The following PIK3R5 variants were observed in gnomAD, a reference collection of about 807,000 sequenced individuals.
PIK3R5 encodes the protein phosphoinositide-3-kinase regulatory subunit 5, also known as phosphoinositide 3-kinase regulatory subunit 5.
A neutral mutation model predicts 94.9 loss-of-function variants in PIK3R5; 32 were observed. The observed-to-expected ratio is 0.34, with a 90% CI of 0.25 to 0.45. PIK3R5 has a LOEUF of 0.45. PIK3R5 is among the 20% of genes least tolerant of loss of function. The pLI, the probability that PIK3R5 is intolerant of heterozygous loss-of-function variation, is 1.00. For missense variants in PIK3R5, 853 were observed against 1,144.6 expected (o/e 0.75, Z 3.68); for synonymous variants, 443 against 479.4 (o/e 0.92, Z 0.99).
intron 5 of PIK3R5, among the ~76,000 whole-genome samples, chr17:8,894,074 C>T (rs2090091175): frequency 6.6e-6 from 1 of 152,176 alleles, no homozygotes; most frequent in South Asian, 2.1e-4. Flanking sequence ...AGCTCTTCTG[C>T]GTGGCCTTGG....
chr17:8,921,086 C>G (rs1368280231), intron 1 of PIK3R5, among the ~76,000 whole-genome samples: 1 of 152,142 alleles, frequency 6.6e-6, no homozygotes, highest in Non-Finnish European at 1.5e-5. Flanking sequence ...GGTGATCCAC[C>G]CGCCTCAGCC....
rs2090063479 is a variant in PIK3R5 at position 8,893,045 on chromosome 17, G to GGTGTGTGTGTGT, written c.482+540_482+541insACACACACACAC. ...TGTAACCAGGATACATTTCATTTCA[G>GGTGTGTGTGTGT]CTGTGTGTGTGTGTGTGTGTGTGTG... On this transcript the variant is annotated intron_variant, in intron 6 of 18. Transcript: ENST00000447110. The surrounding 1 kb of genome is among the most constrained non-coding windows in gnomAD (Gnocchi z 5.1). Among the ~76,000 whole-genome samples, 1 of 134,056 alleles carries GGTGTGTGTGTGT rather than the reference G, an allele frequency of 7.5e-6. No individual in the cohort carries two copies. The highest frequency in any genetic ancestry group is 3.2e-5 in the African/African-American group (1 of 31,434). The allele number at this position is 134,056 out of a possible 152,430, so 87.9% of individuals were successfully genotyped here.
rs201469257 is a variant in PIK3R5, at chr17:8,890,757, C to G, written c.638G>C (p.Gly213Ala). 242 of 1,610,240 alleles carry G rather than the reference C, an allele frequency of 1.5e-4. No homozygotes were observed. The East Asian group carries it at 2.4e-3, about 16-fold the overall frequency. The part of the protein sequence containing the change: ...ATFGAHCDVP[G>A]LHCRLQAKTL... ...ACATACCTGTAGCCTGCAGTGCAGG[C>G]CCGGGACGTCACAGTGGGCCCCAAA... The change falls in exon 7 of 19, where the codon GGC becomes GCC. Residue 213 changes from glycine to alanine, a missense_variant. Physicochemically the swap from Gly to Ala is moderately conservative, Grantham distance 60 (BLOSUM62 0). Around this residue, in one of 6 missense-constraint regions of PIK3R5, gnomAD observed 161 missense variants for 249.5 expected, o/e 0.65. Transcript: ENST00000447110. This position sits in a 1 kb window ranked among gnomAD's most constrained non-coding sequence, Gnocchi z 6.1.
At chr17:8,894,317 C>T (rs1597382299) in intron 5 of PIK3R5, among the ~76,000 whole-genome samples, 1 of 152,358 alleles carries the variant, frequency 6.6e-6, no homozygotes. Context: ...CCGCTGCCCC[C>T]TCTCCCGGTC....
In PIK3R5 at chr17:8,935,936, C is replaced by A. The variant is rs943310721; in HGVS notation, c.-13-24429G>T. Among the ~76,000 whole-genome samples the A allele has an allele frequency of 7.2e-5, 11 of 151,956 alleles. No homozygotes were observed. Among genetic ancestry groups the A allele is most frequent in the Admixed American group, 4.6e-4 (7 of 15,260 alleles). ...GGGCGTGGTGGCGGGCACCTGTAGT[C>A]CCAGCTACTCGGGAGGCTGAGGCAG... On this transcript the variant is annotated intron_variant, in intron 1 of 18. Transcript: ENST00000447110. This position sits in a 1 kb window ranked among gnomAD's most constrained non-coding sequence, Gnocchi z 4.5.
chr17:8,899,815 G>A (rs1195127042), intron 5 of PIK3R5, among the ~76,000 whole-genome samples: 1 of 152,078 alleles, frequency 6.6e-6, no homozygotes, highest in Non-Finnish European at 1.5e-5. Flanking sequence ...CGAGGTGGGC[G>A]GCTCACAAGG....
At chr17:8,883,501 C>A (rs56069269) in intron 15 of PIK3R5, among the ~76,000 whole-genome samples, 5,151 of 152,298 alleles carry the variant, frequency 0.034, 293 homozygotes, top group African/African-American at 0.12. Flanking sequence ...TGGGGGTCTT[C>A]TTTCAGAGTG....
intron 1 of PIK3R5, among the ~76,000 whole-genome samples, chr17:8,921,411 T>C (rs1338450506): frequency 6.6e-6 from 1 of 152,248 alleles, no homozygotes; most frequent in Non-Finnish European, 1.5e-5. Flanking sequence ...ATGTCATTCA[T>C]TCTGGCTCAT....
chr17:8,953,983 G>A (rs533313466), intron 1 of PIK3R5, among the ~76,000 whole-genome samples: 1 of 151,782 alleles, frequency 6.6e-6, no homozygotes, highest in South Asian at 2.1e-4. Context: ...CTCTGAATTG[G>A]AATGGGGGAG....
chr17:8,924,365 C>A (rs1187603331), intron 1 of PIK3R5, among the ~76,000 whole-genome samples: 2 of 151,916 alleles, frequency 1.3e-5, no homozygotes, highest in Non-Finnish European at 2.9e-5. Context: ...AGGCGTGAGC[C>A]ACCTGCAGCC....
Position 8,893,630 on chromosome 17 carries a change from C to G in PIK3R5, c.438G>C (p.Arg146Ser). 6.2e-7 allele frequency: 1 copy of G among 1,613,932 alleles called. No homozygotes were observed. Among genetic ancestry groups the G allele is most frequent in the Non-Finnish European group, 8.5e-7 (1 of 1,179,874 alleles). Residue 146 changes from arginine to serine, a missense_variant, in exon 6 of 19, where the codon AGG becomes AGC. Coordinates refer to ENST00000447110, the MANE Select transcript of PIK3R5 (RefSeq NM_001142633.3). The surrounding 1 kb of genome is among the most constrained non-coding windows in gnomAD (Gnocchi z 5.1). Reference protein sequence around the residue: ...APGISYQRLVRAEQGLPIRSH... With the variant: ...APGISYQRLVSAEQGLPIRSH... Reference sequence around the variant, plus strand: ...TCCTGATGGGCAGGCCCTGCTCAGCCCTCACCAGTCTCTGGTAGGAGATCC... The same window carrying G: ...TCCTGATGGGCAGGCCCTGCTCAGCGCTCACCAGTCTCTGGTAGGAGATCC...
chr17:8,885,449 C>T (rs2089802716), intron 14 of PIK3R5, among the ~76,000 whole-genome samples: 1 of 136,082 alleles, frequency 7.3e-6, no homozygotes, highest in African/African-American at 3.2e-5. Context: ...TCCTGGGTAA[C>T]CCCGCCCTCC....
rs1472692722 is a variant in PIK3R5, at chr17:8,888,917, T to C, written c.896-26A>G. On this transcript the variant is annotated intron_variant, in intron 9 of 18. Coordinates refer to ENST00000447110, the MANE Select transcript of PIK3R5 (RefSeq NM_001142633.3). The surrounding 1 kb of genome is among the most constrained non-coding windows in gnomAD (Gnocchi z 7.8). ...CTGCAGGGAAGCAAGGCCAGCACTG[T>C]CTGGGCGTCTGGGCCCCGGATCCCC... 4.5e-6 allele frequency: 7 copies of C among 1,569,370 alleles called. No individual in the cohort carries two copies. Among genetic ancestry groups the C allele is most frequent in the Non-Finnish European group, 6.0e-6 (7 of 1,162,070 alleles).
chr17:8,926,647 A>G (rs932410422), intron 1 of PIK3R5, among the ~76,000 whole-genome samples: 2 of 152,160 alleles, frequency 1.3e-5, no homozygotes, highest in African/African-American at 2.4e-5. Context: ...CAAGAACAGT[A>G]TGGGGGAAAC....
intron 1 of PIK3R5, among the ~76,000 whole-genome samples, chr17:8,923,151 G>C (rs1242936066): frequency 6.6e-6 from 1 of 152,058 alleles, no homozygotes; most frequent in Non-Finnish European, 1.5e-5. Context: ...AGCCACTCTA[G>C]GACACTCTGA....
Position 8,890,753 on chromosome 17 carries a change from C to T in PIK3R5, c.642G>A (p.Leu214=), listed in dbSNP as rs1253966580. Reference sequence around the variant, plus strand: ...AGGTACATACCTGTAGCCTGCAGTGCAGGCCCGGGACGTCACAGTGGGCCC... The same window carrying T: ...AGGTACATACCTGTAGCCTGCAGTGTAGGCCCGGGACGTCACAGTGGGCCC... The part of the protein sequence containing the change: ...TFGAHCDVPG[L]HCRLQAKTLA... Residue 214 remains leucine, a synonymous_variant, in exon 7 of 19, where the codon CTG becomes CTA. Transcript: ENST00000447110. This position sits in a 1 kb window ranked among gnomAD's most constrained non-coding sequence, Gnocchi z 6.1. The T allele has an allele frequency of 4.3e-6, 7 of 1,609,270 alleles. No homozygotes were observed. Among genetic ancestry groups the T allele is most frequent in the Admixed American group, 1.7e-5 (1 of 59,156 alleles).
intron 1 of PIK3R5, among the ~76,000 whole-genome samples, chr17:8,932,324 C>T (rs924973557): frequency 6.6e-6 from 1 of 152,032 alleles, no homozygotes; most frequent in African/African-American, 2.4e-5. Context: ...ACCTCTGCCT[C>T]CCAGGTTTAA....
At chr17:8,901,659 T>C (rs2090285636) in intron 5 of PIK3R5, among the ~76,000 whole-genome samples, 1 of 152,206 alleles carries the variant, frequency 6.6e-6, no homozygotes, top group South Asian at 2.1e-4. Flanking sequence ...GGTGCATGTA[T>C]ACATTAGAAA....
At chr17:8,937,859 G>A (rs942633703) in intron 1 of PIK3R5, among the ~76,000 whole-genome samples, 3 of 152,124 alleles carry the variant, frequency 2.0e-5, no homozygotes, top group Non-Finnish European at 2.9e-5. Context: ...GCCCAGGCTG[G>A]AGTGCAATGG....
Sources: allele counts gnomAD v4.1 joint callset (sites outside exome capture counted in the v4.1 genomes callset), GRCh38; gene constraint gnomAD v4.1.1; regional missense constraint gnomAD v4.1.1; non-coding constraint Gnocchi (gnomAD v3.1); transcripts MANE v1.5; gene names NCBI Gene and HGNC (gene_info 2026-07-23, HGNC 2026-07-21).